GATB: variants seen among roughly 807,000 people sequenced by gnomAD.
GATB encodes glutamyl-tRNA(Gln) amidotransferase subunit B, mitochondrial.
GATB carries 39 observed loss-of-function variants against 62.3 expected under a neutral mutation model. The observed-to-expected ratio is 0.63, with a 90% CI of 0.48 to 0.82. GATB has a LOEUF of 0.82. Ranked by LOEUF, GATB falls within the 40% of genes least tolerant of loss-of-function variation. The pLI is 0.00. For missense variants in GATB, 670 were observed against 684.0 expected, an observed-to-expected ratio of 0.98 and a Z score of 0.23; for synonymous variants, 276 against 258.9, an observed-to-expected ratio of 1.07 and a Z score of -0.63.
At chr4:151,717,293 C>G in intron 3 of GATB, 1 of 562,280 alleles carries the variant, frequency 1.8e-6, no homozygotes, top group East Asian at 3.0e-5. Flanking sequence ...CTCCCCAAAT[C>G]CTCCACCCCT....
intron 2 of GATB, among the ~76,000 whole-genome samples, chr4:151,735,733 G>GATATATATATATATATATAT (rs1739357847): frequency 1.5e-5 from 1 of 66,734 alleles, no homozygotes; most frequent in Non-Finnish European, 2.8e-5. Context: ...AATAAACTGT[G>GATATATATATATATATATAT]GTGTATATAT....
chr4:151,735,235 G>GAA (rs530781519), intron 2 of GATB, among the ~76,000 whole-genome samples: 14,213 of 98,524 alleles, frequency 0.14, 765 homozygotes, highest in Non-Finnish European at 0.17. Context: ...AAATCAGTAA[G>GAA]AAAAAAAAAA....
rs527533479 is a variant in GATB, at chr4:151,727,226, T to C, written c.328-7688A>G. Among the ~76,000 whole-genome samples the C allele has an allele frequency of 2.6e-5, 4 of 152,338 alleles. 1 individual carries two copies. Among genetic ancestry groups the C allele is most frequent in the African/African-American group, 7.2e-5 (3 of 41,586 alleles). On this transcript the variant is annotated intron_variant, in intron 2 of 12. Transcript: ENST00000263985. ...TTGAGTCACCATGCCCGGCCCTTTA[T>C]TGCTTTTCCATGTACCACTGGAATA...
Position 151,701,318 on chromosome 4 carries a change from T to C in GATB, c.1197+11A>G, listed in dbSNP as rs1738597351. The C allele has an allele frequency of 6.6e-7, 1 of 1,513,228 alleles. No homozygotes were observed. Among genetic ancestry groups the C allele is most frequent in the Non-Finnish European group, 8.9e-7 (1 of 1,125,026 alleles). The allele number at this position is 1,513,228 out of a possible 1,614,324, so 93.7% of individuals were successfully genotyped here. A position where few individuals can be genotyped will look rare whatever the true frequency, so the allele number is the denominator to read the frequency against. On this transcript the variant is annotated intron_variant, in intron 9 of 12. Transcript: ENST00000263985. ...GAGCCGGGATCCTCTTGGCATCCGA[T>C]CGATACCTACCAGCAAAGTGAAGCT...
chr4:151,757,637 T>C (rs1739861934), intron 2 of GATB, among the ~76,000 whole-genome samples: 1 of 152,048 alleles, frequency 6.6e-6, no homozygotes, highest in African/African-American at 2.4e-5. Flanking sequence ...CATGCCCGGC[T>C]AATTTTTTGC....
intron 2 of GATB, among the ~76,000 whole-genome samples, chr4:151,740,739 C>A (rs1223094871): frequency 2.6e-5 from 4 of 152,224 alleles, no homozygotes; most frequent in African/African-American, 9.6e-5. Flanking sequence ...CTTTGCCAGG[C>A]CTGCCGTAAT....
chr4:151,747,567 T>C (rs1405013337), intron 2 of GATB, among the ~76,000 whole-genome samples: 1 of 152,192 alleles, frequency 6.6e-6, no homozygotes, highest in East Asian at 1.9e-4. Context: ...GATACCTCCA[T>C]AGTCCAGGGT....
intron 1 of GATB, among the ~76,000 whole-genome samples, chr4:151,759,515 A>T (rs1027905213): frequency 2.0e-5 from 3 of 152,230 alleles, no homozygotes; most frequent in African/African-American, 7.2e-5. Flanking sequence ...AAAATTTTGC[A>T]AAACTCCACC....
rs1051808888 is a variant in GATB at position 151,703,868 on chromosome 4, T to A, written c.990A>T (p.Glu330Asp). 6.2e-7 allele frequency: 1 copy of A among 1,607,650 alleles called. No individual in the cohort carries two copies. Among genetic ancestry groups the A allele is most frequent in the African/African-American group, 1.3e-5 (1 of 74,820 alleles). ...GTAACCACCTGTAGTCCTGTTTTCC[T>A]TCTTTGTCTCTCATTGACATGGTGC... ...LGCTMSMRDK[E>D]GKQDYRFMPE... The change falls in exon 8 of 13, where the codon GAA (glutamate) becomes GAT (aspartate). Residue 330 changes from glutamate (E) to aspartate (D), a missense_variant. Coordinates refer to ENST00000263985, the MANE Select transcript of GATB (RefSeq NM_004564.3).
chr4:151,711,536 G>A (rs1738818756), intron 5 of GATB, among the ~76,000 whole-genome samples: 1 of 152,130 alleles, frequency 6.6e-6, no homozygotes, highest in Admixed American at 6.5e-5. Context: ...CTCGTCTCCT[G>A]GCTCTATGCT....
intron 5 of GATB, among the ~76,000 whole-genome samples, chr4:151,711,846 T>C (rs772912672): frequency 2.8e-4 from 43 of 152,326 alleles, no homozygotes; most frequent in Non-Finnish European, 3.8e-4. Flanking sequence ...GGCATTTTCC[T>C]GAGCAATGAG....
At chr4:151,686,824 T>G (rs1212834810) in intron 10 of GATB, 2 of 152,350 alleles carry the variant, frequency 1.3e-5, no homozygotes, top group Non-Finnish European at 2.9e-5. Context: ...TCCAACAGCT[T>G]CAAGTACAGA....
At chr4:151,743,395 T>C (rs1739535703) in intron 2 of GATB, among the ~76,000 whole-genome samples, 1 of 152,254 alleles carries the variant, frequency 6.6e-6, no homozygotes, top group Non-Finnish European at 1.5e-5. Context: ...ACATGGTGCA[T>C]ACAACCAGCA....
Position 151,716,990 on chromosome 4 carries a change from T to A in GATB, c.526A>T (p.Ser176Cys), listed in dbSNP as rs1738925913. Reference sequence around the variant, plus strand: ...CTCACCGTCTTGGGGATCACCTGACTCTGCTTCTTCCCTGCACAGACGCCA... The same window carrying A: ...CTCACCGTCTTGGGGATCACCTGACACTGCTTCTTCCCTGCACAGACGCCA... Reference protein sequence around the residue: ...IYGVCAGKKQSQVIPKTVRIK... With the variant: ...IYGVCAGKKQCQVIPKTVRIK... Residue 176 changes from serine (S) to cysteine (C), a missense_variant, in exon 4 of 13, where the codon AGT becomes TGT. By Grantham distance (112) the Ser-to-Cys change is moderately radical. Transcript: ENST00000263985. The A allele has an allele frequency of 6.2e-7, 1 of 1,614,152 alleles. No individual in the cohort carries two copies. The highest frequency in any genetic ancestry group is 2.2e-5 in the East Asian group (1 of 44,874).
At chr4:151,756,719 G>A (rs548909396) in intron 2 of GATB, among the ~76,000 whole-genome samples, 1 of 152,170 alleles carries the variant, frequency 6.6e-6, no homozygotes, top group Admixed American at 6.5e-5. Context: ...CAGTGAACAA[G>A]CACCTTCTTT....
chr4:151,743,536 A>T (rs1739538198), intron 2 of GATB, among the ~76,000 whole-genome samples: 1 of 152,246 alleles, frequency 6.6e-6, no homozygotes, highest in Non-Finnish European at 1.5e-5. Flanking sequence ...TATCTGTAAA[A>T]TAATAGCCAC....
In GATB at chr4:151,672,799, T is replaced by C. The variant is rs1737902112; in HGVS notation, c.1508A>G (p.Gln503Arg). The C allele has an allele frequency of 6.2e-7, 1 of 1,614,086 alleles. No homozygotes were observed. Among genetic ancestry groups the C allele is most frequent in the Non-Finnish European group, 8.5e-7 (1 of 1,180,026 alleles). ...GGCCTCCATCACAGAGTGGCAGAGC[T>C]GCTCCAGTGCCCCCTGGTCCTGCAT... ...ELMQDQGALEQLCHSVMEAHP... is the reference protein window; with the variant it reads ...ELMQDQGALERLCHSVMEAHP... The change falls in exon 12 of 13, where the codon CAG (glutamine) becomes CGG (arginine). Residue 503 changes from glutamine to arginine, a missense_variant. Gln to Arg is a conservative substitution (Grantham distance 43). Transcript: ENST00000263985.
intron 11 of GATB, 58 bp from the exon 12 acceptor site, chr4:151,672,954 C>A: frequency 6.3e-7 from 1 of 1,594,110 alleles, no homozygotes; most frequent in South Asian, 1.1e-5. Context: ...TCTGCCAGCT[C>A]CATTTGCAGT....
rs1221343582 is a variant in GATB at position 151,746,453 on chromosome 4, C to G, written c.327+12319G>C. Among the ~76,000 whole-genome samples, 4 of 152,240 alleles carry G rather than the reference C, an allele frequency of 2.6e-5. No individual in the cohort carries two copies. In the East Asian group the frequency reaches 7.7e-4, roughly 29 times the overall value. On this transcript the variant is annotated intron_variant, in intron 2 of 12. Coordinates refer to ENST00000263985, the MANE Select transcript of GATB (RefSeq NM_004564.3). ...AAATAACTAACTTTAAGCAAACAAC[C>G]TAAGATCCTGTCTATAGATCTATAG... is the stretch of plus-strand genomic sequence containing the variant.
Sources: gnomAD v4.1 joint callset for allele counts (sites outside exome capture counted in the v4.1 genomes callset) on GRCh38, gnomAD v4.1.1 for gene constraint, MANE v1.5 for transcripts, NCBI Gene and HGNC (gene_info 2026-07-23, HGNC 2026-07-21) for gene names.